Variants in TVP23A observed in about 807,000 individuals in gnomAD.
TVP23A encodes Golgi apparatus membrane protein TVP23 homolog A.
Under a neutral mutation model 31.7 loss-of-function variants are expected in TVP23A, and 21 were observed. The ratio of observed to expected loss-of-function variants is 0.66; its 90% CI spans 0.47 to 0.95. TVP23A has a LOEUF of 0.95. Ranked by LOEUF, TVP23A falls within the 40% of genes least tolerant of loss-of-function variation. TVP23A has a pLI of 0.00. For synonymous variants in TVP23A, 104 were observed against 96.0 expected (o/e 1.08, Z -0.49); for missense variants, 279 against 255.6 (o/e 1.09, Z -0.62).
intron 2 of TVP23A, chr16:10,775,630 G>C (rs1205209607): frequency 1.2e-6 from 1 of 814,734 alleles, no homozygotes; most frequent in East Asian, 1.2e-4. Flanking sequence ...CGTGAATCCT[G>C]GCATTTAATC....
downstream of TVP23A, among the ~76,000 whole-genome samples, chr16:10,759,753 G>A (rs1244292016): frequency 6.6e-6 from 1 of 152,156 alleles, no homozygotes; most frequent in African/African-American, 2.4e-5. The surrounding 1 kb of genome is among the most constrained non-coding windows in gnomAD (Gnocchi z 4.7). Context: ...TCCAGCCTGG[G>A]CGACAGAGCA....
chr16:10,798,659 G>A (rs189355820), intron 2 of TVP23A, among the ~76,000 whole-genome samples: 242 of 120,198 alleles, frequency 2.0e-3, no homozygotes, highest in African/African-American at 0.011. Flanking sequence ...CTTATGTTTT[G>A]TTTTTGTTTT....
chr16:10,761,789 G>T (rs914688100), downstream of TVP23A: 1 of 1,614,074 alleles, frequency 6.2e-7, no homozygotes, highest in Non-Finnish European at 8.5e-7. Flanking sequence ...CCACAACCGG[G>T]GGCGCGGAGC....
intron 2 of TVP23A, chr16:10,808,470 G>C: frequency 4.4e-6 from 2 of 453,736 alleles, no homozygotes; most frequent in Non-Finnish European, 8.8e-6. Context: ...TTCTCAATAT[G>C]ACATTCACTA....
chr16:10,806,264 A>T (rs548839062), intron 2 of TVP23A, among the ~76,000 whole-genome samples: 1 of 152,192 alleles, frequency 6.6e-6, no homozygotes, highest in East Asian at 1.9e-4. Flanking sequence ...AATCACTTGA[A>T]CCTGTGAGGT....
In TVP23A at chr16:10,773,866, C is replaced by T. The variant is rs539607498; in HGVS notation, c.324+173G>A. ...GATTGCAGGCGTGAGCCACCACGCC[C>T]GGTCTATTTTGGAGACACTTTTGCC... On this transcript the variant is annotated intron_variant, in intron 4 of 7. Coordinates refer to ENST00000299866, the MANE Select transcript of TVP23A (RefSeq NM_001079512.4). Among the ~76,000 whole-genome samples the T allele has an allele frequency of 6.6e-5, 10 of 152,266 alleles. No individual in the cohort carries two copies. In the East Asian group the frequency reaches 7.7e-4, roughly 12 times the overall value.
chr16:10,761,366 G>A, exon 9 of TVP23A: 1 of 1,613,868 alleles, frequency 6.2e-7, no homozygotes, highest in South Asian at 1.1e-5. Flanking sequence ...CTTCGTAGGA[G>A]GTGTCACTCC....
At chr16:10,792,060 C>T (rs2033135348) in intron 2 of TVP23A, among the ~76,000 whole-genome samples, 1 of 152,214 alleles carries the variant, frequency 6.6e-6, no homozygotes, top group South Asian at 2.1e-4. Context: ...TCTGTGTGCC[C>T]TATGTAAATC....
intron 2 of TVP23A, among the ~76,000 whole-genome samples, chr16:10,785,097 A>C (rs2032667328): frequency 7.6e-6 from 1 of 132,146 alleles, no homozygotes; most frequent in Non-Finnish European, 1.6e-5. Context: ...ACTCCGTCTC[A>C]AAAAAAAAAA....
rs141048997 is a variant in TVP23A, at chr16:10,769,323, G to A, written c.*1-222C>T. 892 of 477,310 alleles carry A rather than the reference G, an allele frequency of 1.9e-3. 10 individuals carry two copies. The highest frequency in any genetic ancestry group is 0.015 in the African/African-American group (742 of 50,024). 29.6% of individuals were successfully genotyped at this position (477,310 alleles called of 1,614,324 possible). A position where few individuals can be genotyped will look rare whatever the true frequency, so the allele number is the denominator to read the frequency against. Reference sequence around the variant, plus strand: ...AAAGGGCATTCTCTACAAATGTGCCGTTTTAAGAATAAAACCCCCTCAAAT... The same window carrying A: ...AAAGGGCATTCTCTACAAATGTGCCATTTTAAGAATAAAACCCCCTCAAAT... On this transcript the variant is annotated intron_variant, in intron 7 of 7. Transcript: ENST00000299866.
rs12599292 is a variant in TVP23A, at chr16:10,789,286, C to T, written c.90-14190G>A. 5.0e-4 allele frequency among the ~76,000 whole-genome samples: 76 copies of T among 152,276 alleles called. 1 individual carries two copies. In the East Asian group the frequency reaches 0.012, roughly 25 times the overall value. ...CCTGGAAAGGGAAGGGGGTTCTCAA[C>T]AGAGTGCAGAATTCCCCCCCAAGAG... is the stretch of plus-strand genomic sequence containing the variant. On this transcript the variant is annotated intron_variant, in intron 2 of 7. Transcript: ENST00000299866.
chr16:10,767,082 C>G lies in TVP23A; in HGVS notation c.*2020G>C. ...GATGAGTGCTAGGTAGGAACCCCTCCTGGGGTTCACCTGAGGCTGGTGACC... is the reference window on the plus strand; with the variant it reads ...GATGAGTGCTAGGTAGGAACCCCTCGTGGGGTTCACCTGAGGCTGGTGACC... On this transcript the variant is annotated 3_prime_UTR_variant, in exon 8 of 8. Transcript: ENST00000299866. The surrounding 1 kb of genome is among the most constrained non-coding windows in gnomAD (Gnocchi z 4.6). 1 of 398,752 alleles carries G rather than the reference C, an allele frequency of 2.5e-6. No homozygotes were observed. The highest frequency in any genetic ancestry group is 4.4e-6 in the Non-Finnish European group (1 of 226,156). 24.7% of individuals were successfully genotyped at this position (398,752 alleles called of 1,614,324 possible).
At chr16:10,773,727 C>G (rs529912917) in intron 4 of TVP23A, among the ~76,000 whole-genome samples, 8 of 152,042 alleles carry the variant, frequency 5.3e-5, no homozygotes, top group East Asian at 1.9e-4. Flanking sequence ...CCTGCCACCA[C>G]GCCCAGCTAA....
chr16:10,787,662 G>C (rs1321646373), intron 2 of TVP23A, among the ~76,000 whole-genome samples: 1 of 141,440 alleles, frequency 7.1e-6, no homozygotes, highest in Non-Finnish European at 1.5e-5. Flanking sequence ...ATCTGGTGCA[G>C]TCTGCAGTGG....
intron 2 of TVP23A, among the ~76,000 whole-genome samples, chr16:10,788,491 G>T (rs950115045): frequency 6.6e-6 from 1 of 152,074 alleles, no homozygotes; most frequent in Non-Finnish European, 1.5e-5. Flanking sequence ...GGTCAGGCTG[G>T]TCTCTGTTGG....
intron 7 of TVP23A, among the ~76,000 whole-genome samples, 200 bp downstream of exon 7, chr16:10,770,072 C>T (rs74449384): frequency 0.082 from 12,554 of 152,344 alleles, 713 homozygotes; most frequent in South Asian, 0.19. Context: ...CCCCCGACCC[C>T]CAGCTCCTCA....
chr16:10,793,852 T>G (rs187889017), intron 2 of TVP23A, among the ~76,000 whole-genome samples: 1 of 116,270 alleles, frequency 8.6e-6, no homozygotes, highest in East Asian at 2.6e-4. Context: ...TGAGCTGTGA[T>G]CACACCACTG....
Position 10,767,354 on chromosome 16 carries a change from A to G in TVP23A, c.*1748T>C. ...AATGGCCACATGGCGGGGAAAGACT[A>G]GCAGACTGATAGACACCAGCACAGA... On this transcript the variant is annotated 3_prime_UTR_variant, in exon 8 of 8. Transcript: ENST00000299866. The surrounding 1 kb of genome is among the most constrained non-coding windows in gnomAD (Gnocchi z 4.6). 2.5e-6 allele frequency: 1 copy of G among 399,704 alleles called. No homozygotes were observed. The highest frequency in any genetic ancestry group is 4.4e-6 in the Non-Finnish European group (1 of 226,886). 24.8% of individuals were successfully genotyped at this position (399,704 alleles called of 1,614,324 possible).
chr16:10,817,491 A>AT, intron 2 of TVP23A, among the ~76,000 whole-genome samples: 2 of 152,312 alleles, frequency 1.3e-5, no homozygotes, highest in Middle Eastern at 3.4e-3. Flanking sequence ...TGCCTTGGTC[A>AT]TGCCACCTTC....
Sources: allele counts gnomAD v4.1 joint callset (sites outside exome capture counted in the v4.1 genomes callset), GRCh38; gene constraint gnomAD v4.1.1; non-coding constraint Gnocchi (gnomAD v3.1); transcripts MANE v1.5; gene names NCBI Gene and HGNC (gene_info 2026-07-23, HGNC 2026-07-21).